Variants in CUBN observed in about 807,000 individuals in gnomAD.
CUBN encodes cubilin.
CUBN carries 282 observed loss-of-function variants against 405.3 expected under a neutral mutation model. The ratio of observed to expected loss-of-function variants is 0.70; its 90% CI spans 0.63 to 0.77. The LOEUF (loss-of-function observed/expected upper bound fraction) is 0.77, where lower values mean the gene tolerates loss of function less well. Ranked by LOEUF, CUBN falls within the 30% of genes least tolerant of loss-of-function variation. The probability of loss-of-function intolerance (pLI) is 0.00; values close to 1 mark genes in which losing one functional copy is unlikely to be tolerated. For missense variants in CUBN, 4,514 were observed against 4,475.2 expected (o/e 1.01, Z -0.25); for synonymous variants, 1,684 against 1,617.0 (o/e 1.04, Z -0.99).
In CUBN at chr10:16,918,618, T is replaced by C. The variant is rs1459733618; in HGVS notation, c.7000+4A>G. On this transcript the variant is annotated splice_donor_region_variant and intron_variant, in intron 45 of 66. Coordinates refer to ENST00000377833, the MANE Select transcript of CUBN (RefSeq NM_001081.4). Reference sequence around the variant, plus strand: ...TAAAATAAAAGTTTTAAAAAAATTATTACCTATAGAATACTTGGCCTTGAA... The same window carrying C: ...TAAAATAAAAGTTTTAAAAAAATTACTACCTATAGAATACTTGGCCTTGAA... 1.2e-6 allele frequency: 2 copies of C among 1,611,022 alleles called. No homozygotes were observed. Among genetic ancestry groups the C allele is most frequent in the Non-Finnish European group, 1.7e-6 (2 of 1,177,892 alleles).
intron 31 of CUBN, among the ~76,000 whole-genome samples, chr10:16,981,139 A>G (rs1448331636): frequency 6.8e-6 from 1 of 147,632 alleles, no homozygotes; most frequent in Non-Finnish European, 1.5e-5. Flanking sequence ...CCCTGCGCCC[A>G]TCTGGTGCCC....
At chr10:16,974,038 A>G (rs1345776341) in intron 31 of CUBN, among the ~76,000 whole-genome samples, 1 of 151,998 alleles carries the variant, frequency 6.6e-6, no homozygotes, top group Admixed American at 6.6e-5. Context: ...CATTAAATGA[A>G]CCTCCCCCAA....
At chr10:17,093,519 C>G (rs1836309717) in intron 14 of CUBN, among the ~76,000 whole-genome samples, 1 of 151,950 alleles carries the variant, frequency 6.6e-6, no homozygotes, top group South Asian at 2.1e-4. Flanking sequence ...TAAATTCAAG[C>G]CTTGATTGAA....
chr10:16,840,282 G>T (rs1265192498), intron 62 of CUBN, 48 bp downstream of exon 62: 3 of 1,480,428 alleles, frequency 2.0e-6, no homozygotes, highest in Non-Finnish European at 2.8e-6. Flanking sequence ...TGCAAATACT[G>T]GTGAAAAGGT....
intron 31 of CUBN, among the ~76,000 whole-genome samples, chr10:16,964,269 T>C (rs1480945720): frequency 6.6e-6 from 1 of 152,140 alleles, no homozygotes; most frequent in Non-Finnish European, 1.5e-5. Context: ...AGCATTGTTA[T>C]AACAAGAAAA....
At chr10:16,837,820 T>C (rs1179480132) in intron 62 of CUBN, among the ~76,000 whole-genome samples, 1 of 152,186 alleles carries the variant, frequency 6.6e-6, no homozygotes, top group Non-Finnish European at 1.5e-5. Context: ...CCTGTATTCA[T>C]TCAGTGGAAA....
rs1045780691 is a variant in CUBN, at chr10:16,902,835, T to G, written c.8062+1131A>C. 3.3e-5 allele frequency among the ~76,000 whole-genome samples: 5 copies of G among 152,184 alleles called. No homozygotes were observed. In the East Asian group the frequency reaches 9.7e-4, roughly 29 times the overall value. On this transcript the variant is annotated intron_variant, in intron 51 of 66. Transcript: ENST00000377833. The stretch of plus-strand genomic sequence containing the variant: ...GGTCCCAGGGTTGGGCTCTGAGGTT[T>G]TGATGACTGGGTAGGAGGAGAAGAT...
intron 17 of CUBN, among the ~76,000 whole-genome samples, chr10:17,072,513 T>C (rs1281054897): frequency 6.6e-6 from 1 of 152,108 alleles, no homozygotes; most frequent in Admixed American, 6.6e-5. Context: ...GTGAGAGGAA[T>C]TGGAGACAGC....
rs188327943 is a variant in CUBN, at chr10:17,015,848, C to A, written c.4168+3985G>T. ...TAAACCACACTGATAACAAGCCCTC[C>A]CAGGTGATTGGCCTGCTCCATTTTT... On this transcript the variant is annotated intron_variant, in intron 28 of 66. Transcript: ENST00000377833. Among the ~76,000 whole-genome samples, 586 of 152,208 alleles carry A rather than the reference C, an allele frequency of 3.8e-3. 2 individuals are homozygous for A. Among genetic ancestry groups the A allele is most frequent in the African/African-American group, 0.013 (560 of 41,530 alleles).
intron 22 of CUBN, among the ~76,000 whole-genome samples, chr10:17,060,217 G>GGCGGAGGAA (rs1835475130): frequency 6.6e-6 from 1 of 151,994 alleles, no homozygotes; most frequent in South Asian, 2.1e-4. Flanking sequence ...CGCCTCCCAG[G>GGCGGAGGAA]TTCAAGCAAT....
chr10:16,936,735 C>CG (rs1455165485), intron 39 of CUBN, among the ~76,000 whole-genome samples: 5 of 152,084 alleles, frequency 3.3e-5, no homozygotes, highest in Non-Finnish European at 7.4e-5. Flanking sequence ...CTTTTCGAAA[C>CG]GGAGTCTCAC....
At chr10:17,074,240 G>A (rs756305446) in intron 17 of CUBN, among the ~76,000 whole-genome samples, 1 of 152,166 alleles carries the variant, frequency 6.6e-6, no homozygotes, top group Non-Finnish European at 1.5e-5. Context: ...TTGGGGAAGC[G>A]CAGGATACTT....
intron 59 of CUBN, among the ~76,000 whole-genome samples, chr10:16,861,410 G>A (rs1256337054): frequency 2.6e-5 from 4 of 151,994 alleles, no homozygotes; most frequent in Non-Finnish European, 5.9e-5. Context: ...TGATCAGCCC[G>A]CCTCAGCCTC....
rs1474549758 is a variant in CUBN, at chr10:17,084,397, A to G, written c.2175T>C (p.Ser725=). Residue 725 remains serine (S), a synonymous_variant, in exon 17 of 67, where the codon TCT becomes TCC. Coordinates refer to ENST00000377833, the MANE Select transcript of CUBN (RefSeq NM_001081.4). The part of the protein sequence containing the change: ...PEGELFLPEL[S]GPFTHTRQCV... ...ATTGCCTGGTGTGAGTGAAAGGCCC[A>G]GACAACTCAGGCAAGAAGAGTTCAC... The G allele has an allele frequency of 1.2e-6, 2 of 1,614,086 alleles. No individual in the cohort carries two copies. The highest frequency in any genetic ancestry group is 2.2e-5 in the South Asian group (2 of 91,076).
At chr10:17,023,827 A>G (rs912707659) in intron 27 of CUBN, among the ~76,000 whole-genome samples, 7 of 152,252 alleles carry the variant, frequency 4.6e-5, no homozygotes, top group African/African-American at 1.7e-4. Context: ...ATTTTTCTAA[A>G]TTACTAAAAT....
At chr10:16,976,378 T>A (rs1386930131) in intron 31 of CUBN, among the ~76,000 whole-genome samples, 2 of 152,182 alleles carry the variant, frequency 1.3e-5, no homozygotes, top group African/African-American at 2.4e-5. Flanking sequence ...TAAAAAAATT[T>A]TTTTTACTTC....
chr10:16,930,215 GAC>G (rs1206602716), intron 40 of CUBN, among the ~76,000 whole-genome samples: 1 of 152,190 alleles, frequency 6.6e-6, no homozygotes, highest in Non-Finnish European at 1.5e-5. Flanking sequence ...TACAGATATA[GAC>G]ACTGAGGCCC....
At chr10:17,123,938 G>A (rs1181508324) in intron 4 of CUBN, among the ~76,000 whole-genome samples, 3 of 152,218 alleles carry the variant, frequency 2.0e-5, no homozygotes, top group Non-Finnish European at 2.9e-5. Flanking sequence ...GATGAAGTCT[G>A]AGGGGAGAAG....
Position 17,129,743 on chromosome 10 carries a change from A to C in CUBN, c.23T>G (p.Phe8Cys), listed in dbSNP as rs1236238899. The change falls in exon 1 of 67, where the codon TTT becomes TGT. Residue 8 changes from phenylalanine (F) to cysteine (C), a missense_variant. By Grantham distance (205) the Phe-to-Cys change is radical. Transcript: ENST00000377833. MMNMSLP[F>C]LWSLLTLLIF... Reference sequence around the variant, plus strand: ...TAATAAGGTAAGCAAACTCCAAAGAAAAGGTAAAGACATGTTCATCATCAA... The same window carrying C: ...TAATAAGGTAAGCAAACTCCAAAGACAAGGTAAAGACATGTTCATCATCAA... The C allele has an allele frequency of 6.2e-7, 1 of 1,614,144 alleles. No individual in the cohort carries two copies. Among genetic ancestry groups the C allele is most frequent in the Non-Finnish European group, 8.5e-7 (1 of 1,179,976 alleles).
Sources: gnomAD v4.1 joint callset for allele counts (sites outside exome capture counted in the v4.1 genomes callset) on GRCh38, gnomAD v4.1.1 for gene constraint, MANE v1.5 for transcripts, NCBI Gene and HGNC (gene_info 2026-07-23, HGNC 2026-07-21) for gene names.